The following CCDC70 variants were observed in gnomAD, a reference collection of about 807,000 sequenced individuals.
The protein encoded by CCDC70 is coiled-coil domain containing 70.
In CCDC70, 4 loss-of-function variants were observed where a neutral mutation model predicts 9.1. That is an observed-to-expected ratio of 0.44 (90% confidence interval 0.22 to 1.00). CCDC70 has a LOEUF of 1.00. Ranked by LOEUF, CCDC70 falls within the 50% of genes least tolerant of loss-of-function variation. The probability of loss-of-function intolerance (pLI) is 0.25; values close to 1 mark genes in which losing one functional copy is unlikely to be tolerated. For synonymous variants in CCDC70, 119 were observed against 94.0 expected, an observed-to-expected ratio of 1.27 and a Z score of -1.54; for missense variants, 308 against 271.3, an observed-to-expected ratio of 1.14 and a Z score of -0.95.
At chr13:51,863,767 A>C (rs1349579043) in intron 1 of CCDC70, among the ~76,000 whole-genome samples, 2 of 152,128 alleles carry the variant, frequency 1.3e-5, no homozygotes, top group East Asian at 3.9e-4. Context: ...AAATGGAAAA[A>C]TACAGAGAAA....
chr13:51,865,458 G>A lies in CCDC70; in HGVS notation c.47G>A (p.Arg16Gln), dbSNP rs776739301. Residue 16 changes from arginine (R) to glutamine (Q), a missense_variant, in exon 2 of 2, where the codon CGG becomes CAG. Arg to Gln is a conservative substitution (Grantham distance 43, BLOSUM62 1). Transcript: ENST00000242819. ...VSRWMGLACF[R>Q]SLAASSPSIR... is the part of the protein sequence containing the mutation. Reference sequence around the variant, plus strand: ...AGATGGATGGGGCTTGCCTGCTTCCGGTCCCTGGCGGCATCCTCTCCCAGT... The same window carrying A: ...AGATGGATGGGGCTTGCCTGCTTCCAGTCCCTGGCGGCATCCTCTCCCAGT... 7.4e-6 allele frequency: 12 copies of A among 1,614,002 alleles called. No individual in the cohort carries two copies. The highest frequency in any genetic ancestry group is 3.3e-5 in the South Asian group (3 of 91,074).
chr13:51,866,092 G>A lies in CCDC70; in HGVS notation c.*12G>A. 1 of 1,551,876 alleles carries A rather than the reference G, an allele frequency of 6.4e-7. No homozygotes were observed. Among genetic ancestry groups the A allele is most frequent in the South Asian group, 1.2e-5 (1 of 80,276 alleles). The stretch of plus-strand genomic sequence containing the variant: ...GAGGCAGGGCGTAGCCAGCATGCAG[G>A]TGCAGGGCCCTGTGGTCCAGACTCC... On this transcript the variant is annotated 3_prime_UTR_variant, in exon 2 of 2. Transcript: ENST00000242819.
intron 1 of CCDC70, among the ~76,000 whole-genome samples, chr13:51,863,656 T>C (rs1332464700): frequency 1.4e-5 from 2 of 141,824 alleles, no homozygotes; most frequent in Non-Finnish European, 3.0e-5. Flanking sequence ...TGTGTCTTCA[T>C]ATGCACGCGC....
At chr13:51,864,788 G>C (rs1256362813) in intron 1 of CCDC70, among the ~76,000 whole-genome samples, 1 of 152,108 alleles carries the variant, frequency 6.6e-6, no homozygotes, top group Non-Finnish European at 1.5e-5. Context: ...GGCCTTCTTG[G>C]TCCATGTCCC....
intron 1 of CCDC70, among the ~76,000 whole-genome samples, chr13:51,863,464 G>T (rs980715450): frequency 2.6e-5 from 4 of 152,140 alleles, no homozygotes; most frequent in Admixed American, 6.5e-5. Context: ...GGCTGTCATG[G>T]GGGAGATGGA....
chr13:51,865,345 G>A lies in CCDC70; in HGVS notation c.-67G>A, dbSNP rs373133796. ...CTGCCCCCACAGGGTCTGACCAGCC[G>A]ACCTGGACCTGGCCAAGGGTCCTGT... is the stretch of plus-strand genomic sequence containing the variant. On this transcript the variant is annotated 5_prime_UTR_variant, in exon 2 of 2. Coordinates refer to ENST00000242819, the MANE Select transcript of CCDC70 (RefSeq NM_031290.4). 1.5e-5 allele frequency: 23 copies of A among 1,536,272 alleles called. No individual in the cohort carries two copies. The highest frequency in any genetic ancestry group is 6.3e-5 in the Admixed American group (3 of 47,904).
rs778331465 is a variant in CCDC70 at position 51,865,682 on chromosome 13, A to G, written c.271A>G (p.Lys91Glu). ...PFWEEEKTFW[K>E]EEKSFWEMEK... Reference sequence around the variant, plus strand: ...CTGGGAAGAGGAGAAAACCTTCTGGAAAGAGGAAAAATCCTTCTGGGAAAT... The same window carrying G: ...CTGGGAAGAGGAGAAAACCTTCTGGGAAGAGGAAAAATCCTTCTGGGAAAT... The change falls in exon 2 of 2, where the codon AAA becomes GAA. Residue 91 changes from lysine to glutamate, a missense_variant. By Grantham distance (56) the Lys-to-Glu change is moderately conservative. Transcript: ENST00000242819. 1.9e-6 allele frequency: 3 copies of G among 1,614,210 alleles called. No individual in the cohort carries two copies. Among genetic ancestry groups the G allele is most frequent in the Non-Finnish European group, 2.5e-6 (3 of 1,180,032 alleles).
At chr13:51,864,942 T>G (rs1373964069) in intron 1 of CCDC70, among the ~76,000 whole-genome samples, 1 of 152,196 alleles carries the variant, frequency 6.6e-6, no homozygotes, top group Non-Finnish European at 1.5e-5. Context: ...CAGAGGACAT[T>G]CACACGTGAG....
chr13:51,865,334 T>C lies in CCDC70; in HGVS notation c.-78T>C, dbSNP rs1956411597. On this transcript the variant is annotated splice_region_variant and 5_prime_UTR_variant, in exon 2 of 2. Transcript: ENST00000242819. The stretch of plus-strand genomic sequence containing the variant: ...TGTCTTTTCTGCTGCCCCCACAGGG[T>C]CTGACCAGCCGACCTGGACCTGGCC... 1 of 1,509,894 alleles carries C rather than the reference T, an allele frequency of 6.6e-7. No homozygotes were observed. Among genetic ancestry groups the C allele is most frequent in the Non-Finnish European group, 8.9e-7 (1 of 1,121,696 alleles). 93.5% of individuals were successfully genotyped at this position (1,509,894 alleles called of 1,614,324 possible). A position where few individuals can be genotyped will look rare whatever the true frequency, so the allele number is the denominator to read the frequency against.
chr13:51,865,127 G>C (rs1956410250), intron 1 of CCDC70, among the ~76,000 whole-genome samples: 1 of 152,186 alleles, frequency 6.6e-6, no homozygotes, highest in Non-Finnish European at 1.5e-5. Context: ...GTTTTTAGCA[G>C]CCTTGAGCTT....
chr13:51,863,674 C>CAGACAG (rs1566370054), intron 1 of CCDC70, among the ~76,000 whole-genome samples: 3 of 24,006 alleles, frequency 1.2e-4, no homozygotes, highest in African/African-American at 2.1e-4. Flanking sequence ...CGCACACAGA[C>CAGACAG]ACACACACAC....
At chr13:51,863,665 G>GCACA (rs1173463252) in intron 1 of CCDC70, among the ~76,000 whole-genome samples, 13 of 103,762 alleles carry the variant, frequency 1.3e-4, no homozygotes, top group African/African-American at 5.0e-4. Flanking sequence ...ATATGCACGC[G>GCACA]CACACAGACA....
chr13:51,863,695 ACACACACACACAC>A (rs1374170239), intron 1 of CCDC70, among the ~76,000 whole-genome samples: 3 of 131,774 alleles, frequency 2.3e-5, no homozygotes, highest in Non-Finnish European at 3.4e-5. Flanking sequence ...ACACACACAC[ACACACACACACAC>A]ACCAGCTATG....
chr13:51,866,170 A>C lies in CCDC70; in HGVS notation c.*90A>C. The stretch of plus-strand genomic sequence containing the variant: ...AGCCCATGTGCTGGAGAAAATACAC[A>C]CTCATTGGTCTCCTTGCTTTGAAAG... On this transcript the variant is annotated 3_prime_UTR_variant, in exon 2 of 2. Transcript: ENST00000242819. The C allele has an allele frequency of 1.9e-6, 2 of 1,064,588 alleles. No individual in the cohort carries two copies. The highest frequency in any genetic ancestry group is 2.7e-6 in the Non-Finnish European group (2 of 754,550). The allele number at this position is 1,064,588 out of a possible 1,614,324, so 65.9% of individuals were successfully genotyped here. A position where few individuals can be genotyped will look rare whatever the true frequency, so the allele number is the denominator to read the frequency against.
At chr13:51,863,045 G>C (rs189168128) in intron 1 of CCDC70, among the ~76,000 whole-genome samples, 1 of 152,210 alleles carries the variant, frequency 6.6e-6, no homozygotes, top group African/African-American at 2.4e-5. Context: ...TGGAGGGTCC[G>C]AGTAGCTTTC....
At chr13:51,863,366 A>ACTGTAG (rs1386387898) in intron 1 of CCDC70, among the ~76,000 whole-genome samples, 1 of 152,134 alleles carries the variant, frequency 6.6e-6, no homozygotes, top group African/African-American at 2.4e-5. Flanking sequence ...TCTAGAAAAC[A>ACTGTAG]CCTGTAGGGC....
At position 51,866,003 on chromosome 13, in the gene CCDC70, G is replaced by A. The variant is rs368937402; in HGVS notation, c.592G>A (p.Glu198Lys). ...GGAGAACAATGGCCACATTGCCGGA[G>A]AGCAGATGCTCGAAGATGGGCCCCA... ...WMENNGHIAG[E>K]QMLEDGPHNA... Residue 198 changes from glutamate (E) to lysine (K), a missense_variant, in exon 2 of 2, where the codon GAG (glutamate) becomes AAG (lysine). Coordinates refer to ENST00000242819, the MANE Select transcript of CCDC70 (RefSeq NM_031290.4). 11 of 1,612,814 alleles carry A rather than the reference G, an allele frequency of 6.8e-6. No homozygotes were observed. The highest frequency in any genetic ancestry group is 5.3e-5 in the African/African-American group (4 of 74,834).
intron 1 of CCDC70, among the ~76,000 whole-genome samples, chr13:51,863,634 C>T (rs1242445945): frequency 6.6e-6 from 1 of 151,670 alleles, no homozygotes; most frequent in Non-Finnish European, 1.5e-5. Context: ...CAGCTGTCCA[C>T]AGCCTAGCCA....
intron 1 of CCDC70, among the ~76,000 whole-genome samples, chr13:51,864,727 G>A (rs1025403272): frequency 4.6e-5 from 7 of 152,114 alleles, no homozygotes; most frequent in Non-Finnish European, 7.4e-5. Context: ...CTGGAGCTGC[G>A]GGTCATCTGG....
Sources: gnomAD v4.1 joint callset for allele counts (sites outside exome capture counted in the v4.1 genomes callset) on GRCh38, gnomAD v4.1.1 for gene constraint, MANE v1.5 for transcripts, NCBI Gene and HGNC (gene_info 2026-07-23, HGNC 2026-07-21) for gene names.